KCNJ6: variants seen among roughly 807,000 people sequenced by gnomAD.
KCNJ6 encodes the protein G protein-activated inward rectifier potassium channel 2.
In KCNJ6, 9 loss-of-function variants were observed where a neutral mutation model predicts 34.2. The observed-to-expected ratio is 0.26, with a 90% CI of 0.16 to 0.46. The LOEUF (loss-of-function observed/expected upper bound fraction) is 0.46, where lower values mean the gene tolerates loss of function less well. KCNJ6 is among the 20% of genes least tolerant of loss of function. KCNJ6 has a pLI of 1.00. For synonymous variants in KCNJ6, 196 were observed against 207.1 expected (o/e 0.95, Z 0.46); for missense variants, 236 against 531.3 (o/e 0.44, Z 5.46).
At position 37,607,923 on chromosome 21, in the gene KCNJ6, C is replaced by T. The variant is rs2087917390; in HGVS notation, c.*17236G>A. The T allele has an allele frequency of 6.6e-6, 1 of 152,168 alleles. No individual in the cohort carries two copies. Among genetic ancestry groups the T allele is most frequent in the African/African-American group, 2.4e-5 (1 of 41,440 alleles). The allele number at this position is 152,168 out of a possible 1,614,324, so 9.4% of individuals were successfully genotyped here. The stretch of plus-strand genomic sequence containing the variant: ...TCTTGTTTTGTGATTTTGCTGGACA[C>T]ATGATGGTTTACAACTACATGCTAT... On this transcript the variant is annotated 3_prime_UTR_variant, in exon 4 of 4. Coordinates refer to ENST00000609713, the MANE Select transcript of KCNJ6 (RefSeq NM_002240.5).
At chr21:37,902,607 A>G (rs1308751352) in intron 1 of KCNJ6, among the ~76,000 whole-genome samples, 1 of 152,232 alleles carries the variant, frequency 6.6e-6, no homozygotes, top group Non-Finnish European at 1.5e-5. Context: ...TGGCCCTTCC[A>G]TGAAAACATA....
chr21:37,646,864 G>T (rs2054407379), intron 3 of KCNJ6, among the ~76,000 whole-genome samples: 1 of 152,002 alleles, frequency 6.6e-6, no homozygotes, highest in Non-Finnish European at 1.5e-5. Flanking sequence ...AGTAGAGACG[G>T]GGTTTCACAC....
intron 1 of KCNJ6, among the ~76,000 whole-genome samples, chr21:37,871,886 T>C (rs2055654321): frequency 1.3e-5 from 2 of 152,226 alleles, no homozygotes; most frequent in South Asian, 4.1e-4. Context: ...TTCTTGGACA[T>C]TAGGCAGCTG....
intron 1 of KCNJ6, among the ~76,000 whole-genome samples, chr21:37,900,497 T>C (rs775578313): frequency 6.6e-6 from 1 of 152,034 alleles, no homozygotes; most frequent in Non-Finnish European, 1.5e-5. Flanking sequence ...AGACAGAAAA[T>C]AAACAAAGCC....
At chr21:37,768,939 T>A (rs934627699) in intron 2 of KCNJ6, among the ~76,000 whole-genome samples, 2 of 152,216 alleles carry the variant, frequency 1.3e-5, no homozygotes, top group Non-Finnish European at 2.9e-5. Flanking sequence ...ATAGCTCAGA[T>A]GGAAGTTTAC....
At chr21:37,866,595 G>A (rs1466298365) in intron 1 of KCNJ6, among the ~76,000 whole-genome samples, 1 of 151,768 alleles carries the variant, frequency 6.6e-6, no homozygotes, top group African/African-American at 2.4e-5. Flanking sequence ...CTGGACATTG[G>A]TCCCTGCCTA....
At chr21:37,747,698 G>A (rs1057040956) in intron 2 of KCNJ6, among the ~76,000 whole-genome samples, 6 of 152,128 alleles carry the variant, frequency 3.9e-5, no homozygotes, top group African/African-American at 7.2e-5. Flanking sequence ...CTGGCTTTGA[G>A]GGGGGAGGAG....
chr21:37,897,248 T>C (rs2055793451), intron 1 of KCNJ6, among the ~76,000 whole-genome samples: 1 of 152,156 alleles, frequency 6.6e-6, no homozygotes, highest in Admixed American at 6.5e-5. Flanking sequence ...CGTGGACTCC[T>C]CCCCTTGCTT....
At chr21:37,909,622 G>A (rs994284269) in intron 1 of KCNJ6, among the ~76,000 whole-genome samples, 3 of 152,162 alleles carry the variant, frequency 2.0e-5, no homozygotes, top group Admixed American at 6.5e-5. Flanking sequence ...CACCTGACTC[G>A]GCCTCCTAAA....
intron 2 of KCNJ6, among the ~76,000 whole-genome samples, chr21:37,772,474 G>A (rs553191257): frequency 6.6e-5 from 10 of 152,050 alleles, no homozygotes; most frequent in South Asian, 6.2e-4. Flanking sequence ...TTTTAGAATC[G>A]TCATACTTTT....
chr21:37,896,802 G>A lies in KCNJ6; in HGVS notation c.-28+19082C>T, dbSNP rs2055790620. Among the ~76,000 whole-genome samples, 5 of 152,202 alleles carry A rather than the reference G, an allele frequency of 3.3e-5. 1 individual carries two copies. The South Asian group carries it at 1.0e-3, about 31-fold the overall frequency. ...ACAGAGAAGACACCCGGGCCCCAGA[G>A]GCAGCGGAGGACCCCAGGCTGACAG... On this transcript the variant is annotated intron_variant, in intron 1 of 3. Transcript: ENST00000609713.
intron 1 of KCNJ6, among the ~76,000 whole-genome samples, chr21:37,901,303 G>A (rs1221531989): frequency 6.6e-6 from 1 of 152,220 alleles, no homozygotes; most frequent in African/African-American, 2.4e-5. Flanking sequence ...TGTTGTCTTA[G>A]AGAAAGAGTA....
At chr21:37,680,322 C>T (rs8126563) in intron 3 of KCNJ6, among the ~76,000 whole-genome samples, 44,929 of 152,046 alleles carry the variant, frequency 0.3, 7,047 homozygotes, top group Middle Eastern at 0.37. Flanking sequence ...TCTCCCCCAG[C>T]CCTCCCTGAG....
At position 37,607,482 on chromosome 21, in the gene KCNJ6, A is replaced by ATATATTTTTT; in HGVS notation, c.*17676_*17677insAAAAAATATA. On this transcript the variant is annotated 3_prime_UTR_variant, in exon 4 of 4. Coordinates refer to ENST00000609713, the MANE Select transcript of KCNJ6 (RefSeq NM_002240.5). ...CTTAAAGATATATATATATATATAT[A>ATATATTTTTT]TTTTTTTTTTATTTTAAAAAAATTT... 38 of 136,754 alleles carry ATATATTTTTT rather than the reference A, an allele frequency of 2.8e-4. No individual in the cohort carries two copies. Among genetic ancestry groups the ATATATTTTTT allele is most frequent in the Non-Finnish European group, 3.7e-4 (24 of 64,774 alleles). 8.5% of individuals were successfully genotyped at this position (136,754 alleles called of 1,614,324 possible).
At chr21:37,659,006 A>C (rs902813132) in intron 3 of KCNJ6, among the ~76,000 whole-genome samples, 1 of 152,164 alleles carries the variant, frequency 6.6e-6, no homozygotes. Flanking sequence ...AGTTGGGAAC[A>C]CTCCTAACTC....
chr21:37,851,508 T>C (rs1456145396), intron 1 of KCNJ6, among the ~76,000 whole-genome samples: 1 of 152,232 alleles, frequency 6.6e-6, no homozygotes, highest in Non-Finnish European at 1.5e-5. Context: ...TATTATTTTC[T>C]TGTGCTTCTT....
At chr21:37,723,767 G>C (rs768838393) in intron 2 of KCNJ6, among the ~76,000 whole-genome samples, 61 of 152,248 alleles carry the variant, frequency 4.0e-4, no homozygotes, top group Non-Finnish European at 8.7e-4. Context: ...TACTAGAGGG[G>C]AGAAGGAGGG....
At chr21:37,797,878 A>T (rs2055251061) in intron 2 of KCNJ6, among the ~76,000 whole-genome samples, 1 of 152,206 alleles carries the variant, frequency 6.6e-6, no homozygotes, top group Admixed American at 6.5e-5. Context: ...AAATGGGTCC[A>T]GGCAAGCTCT....
chr21:37,818,221 T>TGC lies in KCNJ6; in HGVS notation c.25+22436_25+22437insGC, dbSNP rs1555847099. On this transcript the variant is annotated intron_variant, in intron 2 of 3. Coordinates refer to ENST00000609713, the MANE Select transcript of KCNJ6 (RefSeq NM_002240.5). Reference sequence around the variant, plus strand: ...GTGTGTGTGTGCGTGCGTGTGTGTGTGTGTGTGTGTGTGTGTGTGTGTGTA... The same window carrying TGC: ...GTGTGTGTGTGCGTGCGTGTGTGTGTGCGTGTGTGTGTGTGTGTGTGTGTGTA... 4.7e-3 allele frequency among the ~76,000 whole-genome samples: 178 copies of TGC among 38,238 alleles called. 1 individual carries two copies. Among genetic ancestry groups the TGC allele is most frequent in the African/African-American group, 0.019 (169 of 8,682 alleles). The allele number at this position is 38,238 out of a possible 152,430, so 25.1% of individuals were successfully genotyped here. A position where few individuals can be genotyped will look rare whatever the true frequency, so the allele number is the denominator to read the frequency against.
Sources: allele counts gnomAD v4.1 joint callset (sites outside exome capture counted in the v4.1 genomes callset), GRCh38; gene constraint gnomAD v4.1.1; transcripts MANE v1.5; gene names NCBI Gene and HGNC (gene_info 2026-07-23, HGNC 2026-07-21).